Variants in PDE4D observed in about 807,000 individuals in gnomAD.
PDE4D encodes the protein 3',5'-cyclic-AMP phosphodiesterase 4D.
Under a neutral mutation model 87.4 loss-of-function variants are expected in PDE4D, and 24 were observed. The observed-to-expected ratio is 0.27, with a 90% CI of 0.20 to 0.39. The LOEUF is 0.39. PDE4D is among the 10% of genes least tolerant of loss of function. The pLI is 1.00. For synonymous variants in PDE4D, 384 were observed against 383.2 expected (o/e 1.00, Z -0.02); for missense variants, 714 against 1,041.0 (o/e 0.69, Z 4.32).
chr5:59,718,336 G>C (rs1047141656), intron 1 of PDE4D, among the ~76,000 whole-genome samples: 1 of 152,124 alleles, frequency 6.6e-6, no homozygotes, highest in African/African-American at 2.4e-5. Flanking sequence ...AAAGACATAA[G>C]ACTGTTGAAG....
chr5:59,180,090 T>C (rs1219894318), intron 5 of PDE4D, among the ~76,000 whole-genome samples: 1 of 152,198 alleles, frequency 6.6e-6, no homozygotes, highest in Non-Finnish European at 1.5e-5. Flanking sequence ...TATATTAACT[T>C]CTCTCCCCTC....
chr5:60,195,989 T>A (rs866250406), intron 1 of PDE4D, among the ~76,000 whole-genome samples: 1 of 151,738 alleles, frequency 6.6e-6, no homozygotes, highest in Admixed American at 6.6e-5. Context: ...TCTGTAGAAT[T>A]CCACACCTAT....
intron 1 of PDE4D, among the ~76,000 whole-genome samples, chr5:59,427,456 G>T (rs1447029980): frequency 6.6e-6 from 1 of 151,612 alleles, no homozygotes; most frequent in Non-Finnish European, 1.5e-5. Context: ...CAACAACCAA[G>T]ACGTGATCCA....
chr5:59,443,926 C>T (rs1199561197), intron 1 of PDE4D, among the ~76,000 whole-genome samples: 2 of 146,266 alleles, frequency 1.4e-5, no homozygotes, highest in African/African-American at 2.8e-5. Flanking sequence ...AGAGAGAAAA[C>T]AAGAGAAATA....
chr5:59,330,099 TTCA>T (rs1237249263), intron 1 of PDE4D, among the ~76,000 whole-genome samples: 1 of 152,136 alleles, frequency 6.6e-6, no homozygotes, highest in Non-Finnish European at 1.5e-5. Flanking sequence ...CTTTAATATG[TTCA>T]TCACGTTAAT....
intron 2 of PDE4D, among the ~76,000 whole-genome samples, chr5:60,012,882 C>T (rs1765148768): frequency 6.6e-6 from 1 of 152,160 alleles, no homozygotes; most frequent in South Asian, 2.1e-4. Context: ...CTTTTTCCAC[C>T]TATGGCTCAA....
At chr5:60,166,199 A>G (rs1318996201) in intron 2 of PDE4D, among the ~76,000 whole-genome samples, 1 of 152,172 alleles carries the variant, frequency 6.6e-6, no homozygotes, top group Non-Finnish European at 1.5e-5. Context: ...GGTTCACGCC[A>G]TTCTCCTGCC....
intron 1 of PDE4D, among the ~76,000 whole-genome samples, chr5:59,594,383 C>T (rs566484350): frequency 8.1e-4 from 123 of 151,826 alleles, no homozygotes; most frequent in African/African-American, 2.8e-3. Flanking sequence ...TGCAGTGGCA[C>T]AATCTTGGCT....
intron 1 of PDE4D, among the ~76,000 whole-genome samples, chr5:59,769,642 C>G (rs1763245828): frequency 6.6e-6 from 1 of 152,144 alleles, no homozygotes; most frequent in Non-Finnish European, 1.5e-5. Flanking sequence ...CCTGTTAAAT[C>G]TCATTTATGT....
chr5:60,314,590 C>T (rs112084143), intron 1 of PDE4D, among the ~76,000 whole-genome samples: 2,796 of 152,200 alleles, frequency 0.018, 97 homozygotes, highest in African/African-American at 0.063. Flanking sequence ...CATCCATTAA[C>T]TCATCATTTA....
At chr5:59,066,445 A>G (rs1763947626) in intron 5 of PDE4D, among the ~76,000 whole-genome samples, 1 of 152,168 alleles carries the variant, frequency 6.6e-6, no homozygotes. Flanking sequence ...GTGCAACTTC[A>G]TGGGAACACA....
At chr5:60,464,860 C>T (rs776721614) in intron 1 of PDE4D, among the ~76,000 whole-genome samples, 17 of 152,222 alleles carry the variant, frequency 1.1e-4, no homozygotes, top group Admixed American at 2.0e-4. Context: ...CCAGTACTTT[C>T]GGAGGTCAAG....
At chr5:60,475,713 C>T (rs1224231970) in intron 1 of PDE4D, among the ~76,000 whole-genome samples, 1 of 150,790 alleles carries the variant, frequency 6.6e-6, no homozygotes, top group Non-Finnish European at 1.5e-5. Context: ...GACTAAGTTC[C>T]TGTTTGCAGA....
At chr5:59,335,054 T>A (rs1777430498) in intron 1 of PDE4D, among the ~76,000 whole-genome samples, 1 of 152,174 alleles carries the variant, frequency 6.6e-6, no homozygotes, top group Non-Finnish European at 1.5e-5. Context: ...GTTCTCTCCT[T>A]TCCTGGGATC....
intron 2 of PDE4D, among the ~76,000 whole-genome samples, chr5:60,167,008 T>C (rs972485781): frequency 6.6e-6 from 1 of 152,314 alleles, no homozygotes; most frequent in East Asian, 1.9e-4. Context: ...GAGAATTTTA[T>C]CGTAATATGT....
intron 1 of PDE4D, among the ~76,000 whole-genome samples, chr5:59,651,723 G>A (rs1196800841): frequency 6.6e-6 from 1 of 151,994 alleles, no homozygotes; most frequent in Non-Finnish European, 1.5e-5. Context: ...TATTTTTGGA[G>A]AAGCACTAGA....
intron 5 of PDE4D, among the ~76,000 whole-genome samples, chr5:59,072,728 T>A (rs1016565450): frequency 7.2e-5 from 11 of 152,254 alleles, no homozygotes; most frequent in Non-Finnish European, 1.3e-4. Context: ...TTTTTTTGTT[T>A]TCTGTTTTAC....
chr5:60,219,723 A>G (rs1018966644), intron 1 of PDE4D, among the ~76,000 whole-genome samples: 3 of 152,186 alleles, frequency 2.0e-5, no homozygotes, highest in African/African-American at 7.2e-5. Context: ...CATCTAAACT[A>G]AGGCCGGGAC....
intron 3 of PDE4D, among the ~76,000 whole-genome samples, chr5:59,967,765 T>C (rs1760215010): frequency 6.6e-6 from 1 of 152,050 alleles, no homozygotes; most frequent in African/African-American, 2.4e-5. Flanking sequence ...TCCACAAAAA[T>C]AAATAATTCT....
Sources: allele counts gnomAD v4.1 joint callset (sites outside exome capture counted in the v4.1 genomes callset), GRCh38; gene constraint gnomAD v4.1.1; transcripts MANE v1.5; gene names NCBI Gene and HGNC (gene_info 2026-07-23, HGNC 2026-07-21).